Variants in HPSE2 observed in about 807,000 individuals in gnomAD.
The protein encoded by HPSE2 is heparanase 2 (inactive), also known as inactive heparanase-2.
In HPSE2, 38 loss-of-function variants were observed where a neutral mutation model predicts 60.5. That is an observed-to-expected ratio of 0.63 (90% CI 0.48 to 0.82). The LOEUF is 0.82. HPSE2 is among the 40% of genes least tolerant of loss of function. HPSE2 has a pLI of 0.00. For missense variants in HPSE2, 713 were observed against 740.4 expected (o/e 0.96, Z 0.43); for synonymous variants, 295 against 293.2 (o/e 1.01, Z -0.06).
At chr10:98,624,659 T>C in intron 7 of HPSE2, among the ~76,000 whole-genome samples, 1 of 152,336 alleles carries the variant, frequency 6.6e-6, no homozygotes, top group Non-Finnish European at 1.5e-5. Context: ...TGTAAAATGA[T>C]AAAAACTGTA....
intron 7 of HPSE2, among the ~76,000 whole-genome samples, chr10:98,631,967 T>C (rs1165469444): frequency 6.6e-6 from 1 of 152,222 alleles, no homozygotes; most frequent in Non-Finnish European, 1.5e-5. Flanking sequence ...CAAATTGATG[T>C]TCTTTCACCA....
intron 3 of HPSE2, among the ~76,000 whole-genome samples, chr10:98,878,943 A>T (rs918988672): frequency 2.4e-4 from 36 of 151,988 alleles, no homozygotes; most frequent in African/African-American, 8.2e-4. Context: ...GCAAGAGAGG[A>T]AAGGGAAAGA....
At chr10:98,921,843 CTTG>C (rs937727923) in intron 3 of HPSE2, among the ~76,000 whole-genome samples, 2 of 152,106 alleles carry the variant, frequency 1.3e-5, no homozygotes, top group Non-Finnish European at 2.9e-5. Context: ...CACCTACACT[CTTG>C]TTTCTCTTTT....
At chr10:98,822,057 CTA>C (rs1239896496) in intron 3 of HPSE2, among the ~76,000 whole-genome samples, 1 of 152,160 alleles carries the variant, frequency 6.6e-6, no homozygotes, top group Non-Finnish European at 1.5e-5. Flanking sequence ...TTACCAGAAT[CTA>C]TATGTCTTTT....
chr10:99,134,389 T>C (rs989742089), intron 3 of HPSE2, among the ~76,000 whole-genome samples: 6 of 152,028 alleles, frequency 3.9e-5, no homozygotes, highest in Admixed American at 2.6e-4. Context: ...AGATGCTCCT[T>C]GAGAAGAGCA....
At chr10:98,520,357 G>A (rs1942748191) in intron 9 of HPSE2, among the ~76,000 whole-genome samples, 1 of 152,216 alleles carries the variant, frequency 6.6e-6, no homozygotes, top group Admixed American at 6.5e-5. Flanking sequence ...TCGCTCGTGA[G>A]CAGTTCAGAT....
the HPSE2 span, among the ~76,000 whole-genome samples, chr10:99,278,799 T>A: frequency 6.6e-6 from 1 of 152,196 alleles, no homozygotes; most frequent in Non-Finnish European, 1.5e-5. Flanking sequence ...CATAAACTTA[T>A]TGAAGGGAGA....
At chr10:99,272,320 A>C in the HPSE2 span, among the ~76,000 whole-genome samples, 1 of 152,178 alleles carries the variant, frequency 6.6e-6, no homozygotes, top group Non-Finnish European at 1.5e-5. Flanking sequence ...CTGAATCCAT[A>C]AAAATTCTAG....
At chr10:99,235,340 T>C (rs777821602) in intron 1 of HPSE2, among the ~76,000 whole-genome samples, 173 bp downstream of exon 1, 25 of 152,162 alleles carry the variant, frequency 1.6e-4, no homozygotes, top group Admixed American at 5.2e-4. Context: ...CTTTTCTCAA[T>C]CACTAGTTAC....
intron 3 of HPSE2, among the ~76,000 whole-genome samples, chr10:99,061,100 C>A (rs1184296466): frequency 6.6e-6 from 1 of 151,988 alleles, no homozygotes; most frequent in Non-Finnish European, 1.5e-5. Flanking sequence ...TAATTATATG[C>A]TGGCAGGTAC....
At chr10:98,860,321 G>A (rs952385132) in intron 3 of HPSE2, among the ~76,000 whole-genome samples, 2 of 152,144 alleles carry the variant, frequency 1.3e-5, no homozygotes, top group South Asian at 4.1e-4. Context: ...ATTCTTTTGA[G>A]AATTCTGGTG....
At position 98,705,036 on chromosome 10, in the gene HPSE2, C is replaced by A. The variant is rs562849832; in HGVS notation, c.957-11089G>T. Among the ~76,000 whole-genome samples, 15 of 152,208 alleles carry A rather than the reference C, an allele frequency of 9.9e-5. 1 individual carries two copies. The South Asian group carries it at 3.1e-3, about 32-fold the overall frequency. ...CTAACAAAGGTCTAATATCCAGAAT[C>A]TACAAGGAACTTAAACAAATTTACA... On this transcript the variant is annotated intron_variant, in intron 5 of 11. Transcript: ENST00000370552.
chr10:98,492,510 CAAAAAA>C (rs10645866), intron 9 of HPSE2, among the ~76,000 whole-genome samples: 1 of 112,148 alleles, frequency 8.9e-6, no homozygotes, highest in Non-Finnish European at 1.8e-5. Context: ...TCAAAAAAGA[CAAAAAA>C]AAAAAAAAAA....
At chr10:99,086,985 G>A (rs1381187592) in intron 3 of HPSE2, among the ~76,000 whole-genome samples, 3 of 152,200 alleles carry the variant, frequency 2.0e-5, no homozygotes, top group African/African-American at 7.2e-5. Flanking sequence ...ACCAAGGGAT[G>A]AAATGTAGCA....
At chr10:98,737,265 C>T (rs1949382603) in intron 4 of HPSE2, among the ~76,000 whole-genome samples, 1 of 141,704 alleles carries the variant, frequency 7.1e-6, no homozygotes. Flanking sequence ...TATAAATGCA[C>T]ATTTATATAT....
Position 98,827,330 on chromosome 10 carries a change from CG to C in HPSE2, c.611-83275del, listed in dbSNP as rs1210800500. ...AAGCCATTCTTCTGCCTCAGCCTCC[CG>C]AGTAGCTGGGACTACAGGCATGCAC... On this transcript the variant is annotated intron_variant, in intron 3 of 11. Coordinates refer to ENST00000370552, the MANE Select transcript of HPSE2 (RefSeq NM_021828.5). 2.5e-3 allele frequency among the ~76,000 whole-genome samples: 375 copies of C among 152,106 alleles called. 5 individuals are homozygous for C. The highest frequency in any genetic ancestry group is 1.2e-3 in the Non-Finnish European group (79 of 67,996).
At chr10:99,184,813 TATATATAG>T (rs1390146303) in intron 2 of HPSE2, among the ~76,000 whole-genome samples, 192 of 30,948 alleles carry the variant, frequency 6.2e-3, no homozygotes, top group African/African-American at 0.013. Context: ...TATATATATA[TATATATAG>T]AGAGAGAGAG....
intron 3 of HPSE2, among the ~76,000 whole-genome samples, chr10:99,066,872 A>G (rs1442642871): frequency 6.6e-6 from 1 of 152,106 alleles, no homozygotes; most frequent in Non-Finnish European, 1.5e-5. Flanking sequence ...CATTAACTTA[A>G]AAGTCCACAG....
intron 9 of HPSE2, among the ~76,000 whole-genome samples, chr10:98,508,073 TA>T (rs575785943): frequency 3.6e-4 from 54 of 150,818 alleles, no homozygotes; most frequent in African/African-American, 1.0e-3. Context: ...ATGTCTATAA[TA>T]AAAAAAAATC....
Sources: gnomAD v4.1 joint callset for allele counts (sites outside exome capture counted in the v4.1 genomes callset) on GRCh38, gnomAD v4.1.1 for gene constraint, MANE v1.5 for transcripts, NCBI Gene and HGNC (gene_info 2026-07-23, HGNC 2026-07-21) for gene names.